The following PIK3CB variants were observed in gnomAD, a reference collection of about 807,000 sequenced individuals.
The protein encoded by PIK3CB is phosphatidylinositol 4,5-bisphosphate 3-kinase catalytic subunit beta isoform.
Under a neutral mutation model 136.8 loss-of-function variants are expected in PIK3CB, and 39 were observed. That is an observed-to-expected ratio of 0.29 (90% CI 0.22 to 0.37). PIK3CB has a LOEUF of 0.37. Ranked by LOEUF, PIK3CB falls within the 10% of genes least tolerant of loss-of-function variation. PIK3CB has a pLI of 1.00. For synonymous variants in PIK3CB, 428 were observed against 436.6 expected (o/e 0.98, Z 0.25); for missense variants, 868 against 1,275.4 (o/e 0.68, Z 4.87).
intron 2 of PIK3CB, among the ~76,000 whole-genome samples, chr3:138,787,328 C>T (rs376446500): frequency 6.0e-5 from 9 of 149,408 alleles, no homozygotes; most frequent in African/African-American, 2.0e-4. Context: ...ATCGCACCAC[C>T]GCACTCCAGC....
At chr3:138,812,110 A>G (rs1297069927) in intron 1 of PIK3CB, among the ~76,000 whole-genome samples, 1 of 152,040 alleles carries the variant, frequency 6.6e-6, no homozygotes. Context: ...AAAAAAGCCA[A>G]ACTCCTAGAT....
At chr3:138,801,120 G>A (rs1351702347) in intron 1 of PIK3CB, among the ~76,000 whole-genome samples, 1 of 152,046 alleles carries the variant, frequency 6.6e-6, no homozygotes, top group Admixed American at 6.6e-5. Context: ...TCTCAAACAG[G>A]TAATTAGGGG....
chr3:138,753,793 G>C (rs1171578082), intron 4 of PIK3CB, among the ~76,000 whole-genome samples: 1 of 152,044 alleles, frequency 6.6e-6, no homozygotes, highest in African/African-American at 2.4e-5. Flanking sequence ...GTGACAGAAA[G>C]AGACCCTATT....
intron 19 of PIK3CB, among the ~76,000 whole-genome samples, chr3:138,680,477 A>G (rs766320089): frequency 2.6e-5 from 4 of 152,268 alleles, no homozygotes; most frequent in Non-Finnish European, 4.4e-5. Context: ...GAACTGGACT[A>G]TATCTTTGTG....
At chr3:138,690,256 G>T (rs1469752798) in intron 15 of PIK3CB, among the ~76,000 whole-genome samples, 1 of 148,252 alleles carries the variant, frequency 6.7e-6, no homozygotes, top group Non-Finnish European at 1.5e-5. Flanking sequence ...AGAAGAAAAA[G>T]AAAAGAAAAG....
chr3:138,748,198 TC>T (rs1680354402), intron 4 of PIK3CB, among the ~76,000 whole-genome samples: 2 of 118,000 alleles, frequency 1.7e-5, no homozygotes, highest in Non-Finnish European at 4.0e-5. Flanking sequence ...CACACACACA[TC>T]CTTAGACCTC....
chr3:138,683,816 CT>C (rs548161881), intron 17 of PIK3CB, 29 bp from the exon 18 acceptor site: 5 of 1,104,186 alleles, frequency 4.5e-6, no homozygotes, highest in Non-Finnish European at 7.0e-6. Flanking sequence ...AATTAGTCAA[CT>C]TCAGTGTAAT....
intron 10 of PIK3CB, 179 bp from the exon 11 acceptor site, chr3:138,707,468 G>A: frequency 1.5e-6 from 2 of 1,349,258 alleles, no homozygotes; most frequent in Non-Finnish European, 1.9e-6. Flanking sequence ...CAAAATTTCA[G>A]TGTGAGTTTG....
At chr3:138,720,125 G>A (rs1194072935) in intron 8 of PIK3CB, among the ~76,000 whole-genome samples, 1 of 152,184 alleles carries the variant, frequency 6.6e-6, no homozygotes, top group Non-Finnish European at 1.5e-5. Flanking sequence ...GGGTCCGCAT[G>A]CCTGAGGCAA....
intron 2 of PIK3CB, among the ~76,000 whole-genome samples, chr3:138,787,051 T>G (rs1344343849): frequency 6.6e-6 from 1 of 152,212 alleles, no homozygotes; most frequent in Non-Finnish European, 1.5e-5. Context: ...ATATCATCTT[T>G]ATGAACATTT....
intron 19 of PIK3CB, among the ~76,000 whole-genome samples, chr3:138,667,728 AT>A (rs958509248): frequency 1.1e-3 from 160 of 143,720 alleles, no homozygotes; most frequent in Middle Eastern, 3.7e-3. Context: ...TGTCTGGCTA[AT>A]TTTTTTTTTT....
rs1553743726 is a variant in PIK3CB at position 138,815,368 on chromosome 3, A to AAAAAAAAAAC, written c.-121-18802_-121-18801insGTTTTTTTTT. ...CCACATCCTGTCTCAAAAAAAAAAAAAAAAAAACTAGTCAAAACCATAACA... is the reference window on the plus strand; with the variant it reads ...CCACATCCTGTCTCAAAAAAAAAAAAAAAAAAAAACAAAAAAACTAGTCAAAACCATAACA... On this transcript the variant is annotated intron_variant, in intron 1 of 23. Coordinates refer to ENST00000674063, the MANE Select transcript of PIK3CB (RefSeq NM_006219.3). Among the ~76,000 whole-genome samples the AAAAAAAAAAC allele has an allele frequency of 6.9e-3, 736 of 105,900 alleles. 54 individuals carry two copies. Among genetic ancestry groups the AAAAAAAAAAC allele is most frequent in the Middle Eastern group, 0.024 (3 of 124 alleles). 69.5% of individuals were successfully genotyped at this position (105,900 alleles called of 152,430 possible). A position where few individuals can be genotyped will look rare whatever the true frequency, so the allele number is the denominator to read the frequency against.
chr3:138,800,904 G>A (rs1003329567), intron 1 of PIK3CB, among the ~76,000 whole-genome samples: 1 of 152,164 alleles, frequency 6.6e-6, no homozygotes, highest in Non-Finnish European at 1.5e-5. Flanking sequence ...GGGATTATAG[G>A]CGTGAGCCAC....
chr3:138,665,183 A>G lies in PIK3CB; in HGVS notation c.2525T>C (p.Leu842Ser), dbSNP rs752359770. 1.4e-5 allele frequency: 23 copies of G among 1,607,468 alleles called. No individual in the cohort carries two copies. The highest frequency in any genetic ancestry group is 2.0e-5 in the Non-Finnish European group (23 of 1,176,312). The change falls in exon 20 of 24, where the codon TTA becomes TCA. Residue 842 changes from leucine (L) to serine (S), a missense_variant. Coordinates refer to ENST00000674063, the MANE Select transcript of PIK3CB (RefSeq NM_006219.3). The part of the protein sequence containing the change: ...LDLRMLPYGC[L>S]ATGDRSGLIE... ...GAGGCCAGAGCGATCTCCTGTTGCT[A>G]AACAGCCATAAGGCAACATCCTGGA...
intron 1 of PIK3CB, among the ~76,000 whole-genome samples, chr3:138,812,505 G>A (rs1219728825): frequency 6.6e-6 from 1 of 151,448 alleles, no homozygotes; most frequent in Non-Finnish European, 1.5e-5. Context: ...AAAGTGTTGG[G>A]ATTACAGGCA....
intron 12 of PIK3CB, among the ~76,000 whole-genome samples, chr3:138,702,072 T>C (rs1378995648): frequency 6.7e-6 from 1 of 150,000 alleles, no homozygotes; most frequent in African/African-American, 2.4e-5. Flanking sequence ...TAGGTGGGAG[T>C]CACAGAGAGA....
intron 16 of PIK3CB, among the ~76,000 whole-genome samples, chr3:138,685,396 C>CAAAAAAAAAAAAAAAAAAAAAAAAAAAAA (rs398052626): frequency 6.9e-5 from 4 of 58,354 alleles, no homozygotes; most frequent in African/African-American, 3.9e-4. Flanking sequence ...GAAACTGTCT[C>CAAAAAAAAAAAAAAAAAAAAAAAAAAAAA]AAAAAAAAAA....
chr3:138,657,893 G>A, intron 21 of PIK3CB, 58 bp from the exon 22 acceptor site: 1 of 1,538,452 alleles, frequency 6.5e-7, no homozygotes, highest in Non-Finnish European at 8.8e-7. Flanking sequence ...CAAATATAAA[G>A]GCAAAACCTC....
At chr3:138,769,556 A>C (rs1027053796) in intron 2 of PIK3CB, among the ~76,000 whole-genome samples, 1 of 152,218 alleles carries the variant, frequency 6.6e-6, no homozygotes, top group Non-Finnish European at 1.5e-5. Context: ...CTTCATGCAC[A>C]ACCCTTTAAG....
Sources: allele counts gnomAD v4.1 joint callset (sites outside exome capture counted in the v4.1 genomes callset), GRCh38; gene constraint gnomAD v4.1.1; transcripts MANE v1.5; gene names NCBI Gene and HGNC (gene_info 2026-07-23, HGNC 2026-07-21).